Variants in LRIF1 observed in about 807,000 individuals in gnomAD.
The protein encoded by LRIF1 is ligand-dependent nuclear receptor-interacting factor 1.
LRIF1 carries 32 observed loss-of-function variants against 52.7 expected under a neutral mutation model. That is an observed-to-expected ratio of 0.61 (90% CI 0.46 to 0.82). The LOEUF (loss-of-function observed/expected upper bound fraction) is 0.82, where lower values mean the gene tolerates loss of function less well. Among genes scored for constraint, LRIF1 ranks in the 40% least tolerant of loss-of-function variants. The pLI, the probability that LRIF1 is intolerant of heterozygous loss-of-function variation, is 0.00. For missense variants in LRIF1, 887 were observed against 892.0 expected (o/e 0.99, Z 0.07); for synonymous variants, 323 against 317.4 (o/e 1.02, Z -0.19).
At chr1:110,884,729 G>A in the LRIF1 span, among the ~76,000 whole-genome samples, 1 of 151,854 alleles carries the variant, frequency 6.6e-6, no homozygotes, top group South Asian at 2.1e-4. Flanking sequence ...TTCTGTAATA[G>A]TGTTTGTTTT....
At chr1:110,926,100 TATC>T in the LRIF1 span, among the ~76,000 whole-genome samples, 1 of 152,106 alleles carries the variant, frequency 6.6e-6, no homozygotes, top group Non-Finnish European at 1.5e-5. Flanking sequence ...TAGTTTTAAA[TATC>T]ATCATAATCA....
chr1:110,905,957 AGTT>A, the LRIF1 span, among the ~76,000 whole-genome samples: 3 of 152,264 alleles, frequency 2.0e-5, no homozygotes, highest in Admixed American at 6.5e-5. Context: ...GAGAGTGTTA[AGTT>A]GTTATCAGGT....
chr1:110,907,964 C>T, the LRIF1 span, among the ~76,000 whole-genome samples: 1 of 152,112 alleles, frequency 6.6e-6, no homozygotes. Flanking sequence ...ATACAATTTG[C>T]CTTTACTGCT....
chr1:110,894,673 G>A, the LRIF1 span, among the ~76,000 whole-genome samples: 17 of 152,204 alleles, frequency 1.1e-4, no homozygotes, highest in African/African-American at 3.6e-4. Context: ...AGGAGAGAAT[G>A]TCTGCCTCAG....
chr1:110,899,351 G>T, the LRIF1 span: 2 of 569,728 alleles, frequency 3.5e-6, no homozygotes, highest in South Asian at 2.1e-5. Flanking sequence ...GTGGGTGTTG[G>T]CCAGGCACAT....
downstream of LRIF1, chr1:110,942,446 C>A (rs987283291): frequency 6.6e-6 from 1 of 151,988 alleles, no homozygotes; most frequent in Non-Finnish European, 1.5e-5. Context: ...TTGGTCCTTT[C>A]TCCTTCCTTA....
In LRIF1 at chr1:110,951,717, A is replaced by T. The variant is rs763616793; in HGVS notation, c.1167T>A (p.Thr389=). 2.2e-5 allele frequency: 35 copies of T among 1,613,744 alleles called. 2 individuals are homozygous for T. In the Admixed American group the frequency reaches 2.3e-4, roughly 11 times the overall value. The change falls in exon 2 of 4, where the codon ACT becomes ACA. Residue 389 remains threonine (T), a synonymous_variant. Coordinates refer to ENST00000369763, the MANE Select transcript of LRIF1 (RefSeq NM_018372.4). ...IDQQNSVSPD[T]PVRKDTLQTV... ...TCTGTAACGTGTCTTTTCTTACTGG[A>T]GTATCAGGAGAAACAGAATTCTGTT...
At chr1:110,900,704 C>T in the LRIF1 span, among the ~76,000 whole-genome samples, 1 of 149,618 alleles carries the variant, frequency 6.7e-6, no homozygotes, top group Non-Finnish European at 1.5e-5. Flanking sequence ...ATCAGTTCTG[C>T]CATACACTGT....
At chr1:110,910,501 T>A in the LRIF1 span, among the ~76,000 whole-genome samples, 1 of 152,160 alleles carries the variant, frequency 6.6e-6, no homozygotes, top group Non-Finnish European at 1.5e-5. Context: ...CTTGGGAGGC[T>A]GAGGCAGGAG....
chr1:110,955,744 C>T (rs142757743), intron 1 of LRIF1, among the ~76,000 whole-genome samples: 1 of 152,074 alleles, frequency 6.6e-6, no homozygotes, highest in Non-Finnish European at 1.5e-5. Flanking sequence ...GGGAAGAGAA[C>T]GACTGGCAGG....
chr1:110,956,287 T>C (rs1242836452), intron 1 of LRIF1, among the ~76,000 whole-genome samples: 1 of 152,150 alleles, frequency 6.6e-6, no homozygotes, highest in African/African-American at 2.4e-5. Flanking sequence ...ATTTTTCTTG[T>C]CACACCAAGC....
At chr1:110,897,780 G>A in the LRIF1 span, 43 of 1,345,614 alleles carry the variant, frequency 3.2e-5, no homozygotes, top group Admixed American at 1.0e-4. Context: ...TTATAGAGTA[G>A]TATCATTTGT....
chr1:110,881,243 A>G, the LRIF1 span, among the ~76,000 whole-genome samples: 2 of 151,194 alleles, frequency 1.3e-5, no homozygotes, highest in African/African-American at 4.9e-5. Flanking sequence ...CTCCCTCTCT[A>G]CTCACCTCCT....
chr1:110,892,263 C>A, the LRIF1 span: 1 of 983,988 alleles, frequency 1.0e-6, no homozygotes, highest in South Asian at 1.3e-5. Context: ...TAAAGTGATT[C>A]TGATCTCAAG....
chr1:110,907,686 A>T, the LRIF1 span, among the ~76,000 whole-genome samples: 1 of 152,180 alleles, frequency 6.6e-6, no homozygotes, highest in African/African-American at 2.4e-5. Context: ...GTGAGCCGAG[A>T]TTGCACCACG....
the LRIF1 span, among the ~76,000 whole-genome samples, chr1:110,910,505 G>T: frequency 2.6e-5 from 4 of 152,248 alleles, no homozygotes; most frequent in Non-Finnish European, 5.9e-5. Context: ...GGAGGCTGAG[G>T]CAGGAGAATC....
At chr1:110,946,344 G>A (rs891509318), downstream of LRIF1, among the ~76,000 whole-genome samples, 3 of 152,272 alleles carry the variant, frequency 2.0e-5, no homozygotes, top group South Asian at 2.1e-4. Flanking sequence ...GAGGTGATGG[G>A]GAATGACTGC....
At chr1:110,926,876 A>G in the LRIF1 span, among the ~76,000 whole-genome samples, 60 of 152,326 alleles carry the variant, frequency 3.9e-4, 1 homozygote, top group Admixed American at 3.7e-3. Flanking sequence ...AAGCTATTGT[A>G]ATTAAGACAT....
At chr1:110,953,602 AGTAT>A (rs1247248487) in intron 1 of LRIF1, among the ~76,000 whole-genome samples, 10 of 152,222 alleles carry the variant, frequency 6.6e-5, no homozygotes, top group African/African-American at 2.4e-4. Flanking sequence ...ATTATTTCTT[AGTAT>A]AGACTGTCTA....
Sources: gnomAD v4.1 joint callset for allele counts (sites outside exome capture counted in the v4.1 genomes callset) on GRCh38, gnomAD v4.1.1 for gene constraint, MANE v1.5 for transcripts, NCBI Gene and HGNC (gene_info 2026-07-23, HGNC 2026-07-21) for gene names.